Variants in FAT1 observed in about 807,000 individuals in gnomAD.
FAT1 encodes the protein protocadherin Fat 1.
In FAT1, 171 loss-of-function variants were observed where a neutral mutation model predicts 329.8. The observed-to-expected ratio is 0.52, with a 90% CI of 0.46 to 0.59. The LOEUF is 0.59. FAT1 is among the 20% of genes least tolerant of loss of function. The pLI is 0.00. For missense variants in FAT1, 5,672 were observed against 5,774.4 expected (o/e 0.98, Z 0.57); for synonymous variants, 2,233 against 2,228.6 (o/e 1.00, Z -0.06).
intron 9 of FAT1, among the ~76,000 whole-genome samples, chr4:186,623,464 T>C (rs1740146151): frequency 6.6e-6 from 1 of 152,200 alleles, no homozygotes; most frequent in Admixed American, 6.5e-5. Flanking sequence ...CCCCTCAGAC[T>C]TCCCTATGTC....
Position 186,663,512 on chromosome 4 carries a change from T to C in FAT1, c.3367A>G (p.Ile1123Val), listed in dbSNP as rs764985921. Residue 1123 changes from isoleucine to valine, a missense_variant, in exon 3 of 27, where the codon ATA becomes GTA. Physicochemically the swap from Ile to Val is conservative, Grantham distance 29 (BLOSUM62 3). This residue lies in a region of FAT1 where 3,966 missense variants were observed against 3,915.2 expected (regional missense o/e 1.01). Coordinates refer to ENST00000441802, the MANE Select transcript of FAT1 (RefSeq NM_005245.4). ...TCCTCAACCTCTATGTAGATCTCTA[T>C]GAACGATGAAAGAGGCACGACACCC... is the stretch of plus-strand genomic sequence containing the variant. ...DQGVVPLSSF[I>V]EIYIEVEDVN... The C allele has an allele frequency of 5.0e-6, 8 of 1,613,904 alleles. No individual in the cohort carries two copies. The highest frequency in any genetic ancestry group is 3.3e-5 in the Admixed American group (2 of 60,010).
intron 17 of FAT1, among the ~76,000 whole-genome samples, chr4:186,605,548 A>AGGAAT (rs1385216928): frequency 2.2e-5 from 2 of 90,172 alleles, no homozygotes; most frequent in Non-Finnish European, 4.2e-5. Context: ...GAGAAGGAGG[A>AGGAAT]GGAATGGAGA....
chr4:186,666,550 A>G (rs553040357), intron 2 of FAT1, among the ~76,000 whole-genome samples: 8 of 152,374 alleles, frequency 5.3e-5, no homozygotes, highest in African/African-American at 1.9e-4. Flanking sequence ...CAGGTGAAGT[A>G]TTATTAGAAA....
Position 186,596,787 on chromosome 4 carries a change from G to C in FAT1, c.12753C>G (p.Val4251=), listed in dbSNP as rs767511907. 1 of 1,614,006 alleles carries C rather than the reference G, an allele frequency of 6.2e-7. No individual in the cohort carries two copies. Among genetic ancestry groups the C allele is most frequent in the South Asian group, 1.1e-5 (1 of 91,084 alleles). ...IYSDIPPQVP[V]RPISYTPSIP... is the part of the protein sequence containing the mutation. ...TACTCGGGGTGTAGGAAATAGGCCG[G>C]ACAGGCACCTGGGGTGGTATGTCTG... is the stretch of plus-strand genomic sequence containing the variant. The change falls in exon 25 of 27, where the codon GTC becomes GTG. Residue 4251 remains valine, a synonymous_variant. Transcript: ENST00000441802. The surrounding 1 kb of genome is among the most constrained non-coding windows in gnomAD (Gnocchi z 4.7).
At chr4:186,610,932 C>T (rs2126465009) in intron 14 of FAT1, among the ~76,000 whole-genome samples, 1 of 151,754 alleles carries the variant, frequency 6.6e-6, no homozygotes, top group East Asian at 1.9e-4. Flanking sequence ...TTATAGACAA[C>T]TAGCATGATA....
At chr4:186,687,068 A>G (rs965628629) in intron 2 of FAT1, among the ~76,000 whole-genome samples, 1 of 152,180 alleles carries the variant, frequency 6.6e-6, no homozygotes, top group African/African-American at 2.4e-5. Context: ...CGCTTTTTAA[A>G]CAATTAATTA....
At chr4:186,604,956 C>T (rs112693994) in intron 17 of FAT1, among the ~76,000 whole-genome samples, 8,743 of 151,792 alleles carry the variant, frequency 0.058, 467 homozygotes, top group East Asian at 0.18. Flanking sequence ...CGGTGGCTCA[C>T]GCCTGTCATC....
chr4:186,663,672 A>G (rs2126619341), intron 2 of FAT1, 59 bp from the exon 3 acceptor site: 1 of 1,372,644 alleles, frequency 7.3e-7, no homozygotes. Flanking sequence ...TGCCAGCTTC[A>G]GAAAGTGTCA....
intron 2 of FAT1, among the ~76,000 whole-genome samples, chr4:186,682,298 G>A (rs1300729581): frequency 2.0e-5 from 3 of 152,130 alleles, no homozygotes; most frequent in South Asian, 2.1e-4. Flanking sequence ...AGACTAAGGC[G>A]GGTGGATCAC....
chr4:186,642,298 T>G (rs1405094508), intron 3 of FAT1, among the ~76,000 whole-genome samples: 1 of 152,198 alleles, frequency 6.6e-6, no homozygotes, highest in Non-Finnish European at 1.5e-5. Context: ...TTCTAATATT[T>G]CTTCTATCAT....
At position 186,604,533 on chromosome 4, in the gene FAT1, T is replaced by C. The variant is rs1215746069; in HGVS notation, c.10392A>G (p.Val3464=). ...CGTTATGGGAAGAATCCTCATCTGTTACTACCAGCTGCAGCACGCTGAAGC... is the reference window on the plus strand; with the variant it reads ...CGTTATGGGAAGAATCCTCATCTGTCACTACCAGCTGCAGCACGCTGAAGC... The part of the protein sequence containing the change: ...PVGFSVLQLV[V]TDEDSSHNGP... The change falls in exon 18 of 27, where the codon GTA becomes GTG. Residue 3464 remains valine (V), a synonymous_variant. Coordinates refer to ENST00000441802, the MANE Select transcript of FAT1 (RefSeq NM_005245.4). The C allele has an allele frequency of 1.9e-6, 3 of 1,613,302 alleles. No individual in the cohort carries two copies. Among genetic ancestry groups the C allele is most frequent in the African/African-American group, 2.7e-5 (2 of 74,912 alleles).
rs2126467408 is a variant in FAT1 at position 186,611,494 on chromosome 4, C to T, written c.9745G>A (p.Val3249Ile). 1 of 1,613,964 alleles carries T rather than the reference C, an allele frequency of 6.2e-7. No individual in the cohort carries two copies. The highest frequency in any genetic ancestry group is 1.7e-5 in the Admixed American group (1 of 60,022). ...CGACTTGCTGCATACACTTGAAGAA[C>T]TTCAGTTCCAACAAGAATGTCCTCA... Reference protein sequence around the residue: ...VSEDILVGTEVLQVYAASRDI... With the variant: ...VSEDILVGTEILQVYAASRDI... The change falls in exon 14 of 27, where the codon GTT (valine) becomes ATT (isoleucine). Residue 3249 changes from valine to isoleucine, a missense_variant. By Grantham distance (29) the Val-to-Ile change is conservative. This residue lies in a region of FAT1 where 1,706 missense variants were observed against 1,859.1 expected (regional missense o/e 0.92). Transcript: ENST00000441802.
intron 15 of FAT1, 75 bp downstream of exon 15, chr4:186,609,726 A>T (rs1036382926): frequency 1.9e-6 from 2 of 1,036,844 alleles, no homozygotes; most frequent in Non-Finnish European, 1.5e-6. Flanking sequence ...CAAAAACTAG[A>T]TTGATTTTAC....
chr4:186,618,422 T>A lies in FAT1; in HGVS notation c.8164A>T (p.Ile2722Leu), dbSNP rs1047052112. 6.2e-7 allele frequency: 1 copy of A among 1,614,050 alleles called. No individual in the cohort carries two copies. The highest frequency in any genetic ancestry group is 2.2e-5 in the East Asian group (1 of 44,888). ...VSEDVPIGTE[I>L]DLIRAEHSGT... The stretch of plus-strand genomic sequence containing the variant: ...CTATGTTCTGCTCGGATGAGATCTA[T>A]CTCTGTTCCAATAGGCACGTCCTCT... Residue 2722 changes from isoleucine to leucine, a missense_variant, in exon 10 of 27, where the codon ATA becomes TTA. Around this residue, in one of 2 missense-constraint regions of FAT1, gnomAD observed 3,966 missense variants for 3,915.2 expected, o/e 1.01. Transcript: ENST00000441802.
At chr4:186,614,725 A>G (rs1433673101) in intron 11 of FAT1, among the ~76,000 whole-genome samples, 2 of 152,234 alleles carry the variant, frequency 1.3e-5, no homozygotes, top group African/African-American at 2.4e-5. Flanking sequence ...CTGTCGTATC[A>G]TATCTGCTCA....
At chr4:186,595,614 G>C in intron 26 of FAT1, 75 bp downstream of exon 26, 1 of 1,525,466 alleles carries the variant, frequency 6.6e-7, no homozygotes, top group Non-Finnish European at 9.0e-7. Flanking sequence ...GGTAGATAGT[G>C]CGTCTACATT....
intron 22 of FAT1, among the ~76,000 whole-genome samples, chr4:186,599,441 A>G (rs1247554549): frequency 6.6e-6 from 1 of 152,190 alleles, no homozygotes; most frequent in Admixed American, 6.5e-5. Flanking sequence ...AGATATGGCA[A>G]CACTTCAGGA....
intron 1 of FAT1, among the ~76,000 whole-genome samples, chr4:186,714,832 C>T (rs1461123708): frequency 1.3e-5 from 2 of 152,246 alleles, no homozygotes; most frequent in East Asian, 3.9e-4. Flanking sequence ...GTAATCCCAG[C>T]ACTTCGGGAG....
In FAT1 at chr4:186,708,508, T is replaced by G. The variant is rs1744767006; in HGVS notation, c.1320A>C (p.Thr440=). The change falls in exon 2 of 27, where the codon ACA becomes ACC. Residue 440 remains threonine (T), a synonymous_variant. Coordinates refer to ENST00000441802, the MANE Select transcript of FAT1 (RefSeq NM_005245.4). ...CCTTGGTGGACGCTTTTCTGTCACT[T>G]GTTGTTACTTCAAGTTCAAAATGGG... ...QAAHFELEVT[T]SDRKASTKVL... is the part of the protein sequence containing the mutation. 6.2e-7 allele frequency: 1 copy of G among 1,613,962 alleles called. No individual in the cohort carries two copies. The highest frequency in any genetic ancestry group is 2.2e-5 in the East Asian group (1 of 44,862).
Sources: gnomAD v4.1 joint callset for allele counts (sites outside exome capture counted in the v4.1 genomes callset) on GRCh38, gnomAD v4.1.1 for gene constraint, gnomAD v4.1.1 regional missense constraint, Gnocchi (gnomAD v3.1) non-coding constraint, MANE v1.5 for transcripts, NCBI Gene and HGNC (gene_info 2026-07-23, HGNC 2026-07-21) for gene names.